The following CBFA2T2 variants were observed in gnomAD, a reference collection of about 807,000 sequenced individuals.
The protein encoded by CBFA2T2 is protein CBFA2T2.
Under a neutral mutation model 62.2 loss-of-function variants are expected in CBFA2T2, and 11 were observed. That is an observed-to-expected ratio of 0.18 (90% CI 0.11 to 0.29). CBFA2T2 has a LOEUF of 0.29. Among genes scored for constraint, CBFA2T2 ranks in the 10% least tolerant of loss-of-function variants. The pLI is 1.00. For synonymous variants in CBFA2T2, 295 were observed against 287.5 expected (o/e 1.03, Z -0.27); for missense variants, 592 against 774.1 (o/e 0.76, Z 2.79).
chr20:33,598,387 T>C (rs765842728), intron 1 of CBFA2T2, among the ~76,000 whole-genome samples: 1 of 152,146 alleles, frequency 6.6e-6, no homozygotes, highest in Non-Finnish European at 1.5e-5. Flanking sequence ...GCGCGTATTC[T>C]CTTTCCCAGG....
intron 1 of CBFA2T2, among the ~76,000 whole-genome samples, chr20:33,587,969 A>ATG (rs2014452682): frequency 6.6e-6 from 1 of 152,260 alleles, no homozygotes. Context: ...AGAATTTAGA[A>ATG]TGAATCATTG....
chr20:33,595,556 A>T (rs917486225), intron 1 of CBFA2T2, among the ~76,000 whole-genome samples: 2 of 148,696 alleles, frequency 1.3e-5, no homozygotes, highest in Non-Finnish European at 1.5e-5. Flanking sequence ...TTTTTTTTTT[A>T]ATTTATTTTT....
intron 1 of CBFA2T2, among the ~76,000 whole-genome samples, chr20:33,592,227 G>A (rs868637828): frequency 2.0e-5 from 3 of 151,918 alleles, no homozygotes; most frequent in East Asian, 1.9e-4. Context: ...GCCAGGCATC[G>A]TGGCACGCGT....
At chr20:33,574,915 A>G (rs6059378) in intron 1 of CBFA2T2, among the ~76,000 whole-genome samples, 88,577 of 152,112 alleles carry the variant, frequency 0.58, 27,280 homozygotes, top group African/African-American at 0.78. Flanking sequence ...AATGTTTTTT[A>G]TGCTTTTAAA....
chr20:33,638,890 C>T (rs947000849), intron 9 of CBFA2T2: 1 of 152,206 alleles, frequency 6.6e-6, no homozygotes, highest in Non-Finnish European at 1.5e-5. Flanking sequence ...GGTAAGTGGA[C>T]AGGGTTTAAA....
At chr20:33,541,673 C>CATTT (rs1342108706) in intron 1 of CBFA2T2, among the ~76,000 whole-genome samples, 1 of 152,198 alleles carries the variant, frequency 6.6e-6, no homozygotes, top group Non-Finnish European at 1.5e-5. Flanking sequence ...GTTACAGGTA[C>CATTT]ATTTTCCCAA....
At chr20:33,513,130 A>G (rs1462643951) in intron 1 of CBFA2T2, among the ~76,000 whole-genome samples, 1 of 152,156 alleles carries the variant, frequency 6.6e-6, no homozygotes, top group Non-Finnish European at 1.5e-5. Flanking sequence ...GTTCAGCTTT[A>G]GTAGATGCTG....
At chr20:33,510,402 C>T (rs985196476) in intron 1 of CBFA2T2, among the ~76,000 whole-genome samples, 14 of 151,350 alleles carry the variant, frequency 9.3e-5, no homozygotes, top group Admixed American at 1.3e-4. Context: ...TTAGTAGAGA[C>T]GGGGTTTCAG....
intron 8 of CBFA2T2, among the ~76,000 whole-genome samples, chr20:33,630,538 T>A (rs1297922220): frequency 1.3e-5 from 2 of 152,022 alleles, no homozygotes; most frequent in Admixed American, 1.3e-4. Context: ...CTACAAAAGG[T>A]TTTACCATAC....
chr20:33,601,238 T>C lies in CBFA2T2; in HGVS notation c.35-5718T>C, dbSNP rs76096324. 9.6e-3 allele frequency among the ~76,000 whole-genome samples: 1,449 copies of C among 151,352 alleles called. 11 individuals carry two copies. Among genetic ancestry groups the C allele is most frequent in the Non-Finnish European group, 0.013 (849 of 67,780 alleles). On this transcript the variant is annotated intron_variant, in intron 1 of 10. Transcript: ENST00000342704. ...CCTGAGAGTCTGATTTTTGTTTTTTTTGTGGGTTTTTTATTGTTGTTGTTG... is the reference window on the plus strand; with the variant it reads ...CCTGAGAGTCTGATTTTTGTTTTTTCTGTGGGTTTTTTATTGTTGTTGTTG...
At position 33,594,602 on chromosome 20, in the gene CBFA2T2, G is replaced by A. The variant is rs972984795; in HGVS notation, c.35-12354G>A. On this transcript the variant is annotated intron_variant, in intron 1 of 10. Coordinates refer to ENST00000342704, the MANE Select transcript of CBFA2T2 (RefSeq NM_001032999.3). The stretch of plus-strand genomic sequence containing the variant: ...TCAAATGCTGGAACCCAAGAGACCT[G>A]GCTTTTTGAATCGTAGGAAAGCCAT... 3.9e-5 allele frequency among the ~76,000 whole-genome samples: 6 copies of A among 152,234 alleles called. No homozygotes were observed. The South Asian group carries it at 1.2e-3, about 32-fold the overall frequency.
chr20:33,573,968 T>C (rs1396496159), intron 1 of CBFA2T2: 1 of 446,236 alleles, frequency 2.2e-6, no homozygotes, highest in Admixed American at 4.1e-5. Flanking sequence ...TTTTTTTTTT[T>C]TGTAGAGGTG....
chr20:33,545,702 C>T (rs2012545504), intron 1 of CBFA2T2, among the ~76,000 whole-genome samples: 1 of 152,184 alleles, frequency 6.6e-6, no homozygotes, highest in South Asian at 2.1e-4. Flanking sequence ...CCCCTGTTGG[C>T]CTCCCAAAAT....
intron 1 of CBFA2T2, among the ~76,000 whole-genome samples, chr20:33,523,061 A>G (rs962045732): frequency 2.6e-5 from 4 of 152,164 alleles, no homozygotes; most frequent in African/African-American, 9.6e-5. Context: ...CTAGACAGGA[A>G]GGGGCAAATT....
At chr20:33,496,912 A>G (rs1458174198) in intron 1 of CBFA2T2, among the ~76,000 whole-genome samples, 7 of 151,822 alleles carry the variant, frequency 4.6e-5, no homozygotes, top group Non-Finnish European at 1.0e-4. Flanking sequence ...TTATTTTCCT[A>G]CTCCCGTCTC....
chr20:33,624,855 C>G lies in CBFA2T2; in HGVS notation c.784C>G (p.Pro262Ala). 1 of 1,614,130 alleles carries G rather than the reference C, an allele frequency of 6.2e-7. No homozygotes were observed. The highest frequency in any genetic ancestry group is 8.5e-7 in the Non-Finnish European group (1 of 1,179,992). The change falls in exon 6 of 11, where the codon CCT becomes GCT. Residue 262 changes from proline (P) to alanine (A), a missense_variant. Physicochemically the swap from Pro to Ala is conservative, Grantham distance 27. Transcript: ENST00000342704. The stretch of plus-strand genomic sequence containing the variant: ...CATCAGCCCTGCTCCTCGGCACAGT[C>G]CTGCTCTCACTGTGCCCCTCATGAA... ...CTISPAPRHS[P>A]ALTVPLMNPG...
intron 1 of CBFA2T2, among the ~76,000 whole-genome samples, chr20:33,585,222 T>A (rs916775974): frequency 2.0e-5 from 3 of 152,188 alleles, no homozygotes; most frequent in Non-Finnish European, 4.4e-5. Flanking sequence ...TAATAATTCT[T>A]CTGGAGAAAA....
chr20:33,611,459 A>G, intron 3 of CBFA2T2, 124 bp downstream of exon 3: 1 of 1,066,792 alleles, frequency 9.4e-7, no homozygotes, highest in Non-Finnish European at 1.4e-6. Flanking sequence ...GCTACAGACT[A>G]GACTAGTTAT....
chr20:33,556,032 AT>A (rs955305587), intron 1 of CBFA2T2, among the ~76,000 whole-genome samples: 20 of 152,034 alleles, frequency 1.3e-4, no homozygotes, highest in Non-Finnish European at 2.9e-5. Flanking sequence ...TGCCTGGCTA[AT>A]TTTTTTTACT....
Sources: allele counts gnomAD v4.1 joint callset (sites outside exome capture counted in the v4.1 genomes callset), GRCh38; gene constraint gnomAD v4.1.1; transcripts MANE v1.5; gene names NCBI Gene and HGNC (gene_info 2026-07-23, HGNC 2026-07-21).